The following ADGB variants were observed in gnomAD, a reference collection of about 807,000 sequenced individuals.
ADGB encodes the protein calpain-7-like protein.
ADGB carries 172 observed loss-of-function variants against 210.5 expected under a neutral mutation model. That is an observed-to-expected ratio of 0.82 (90% CI 0.72 to 0.93). The LOEUF (loss-of-function observed/expected upper bound fraction) is 0.93, where lower values mean the gene tolerates loss of function less well. Ranked by LOEUF, ADGB falls within the 40% of genes least tolerant of loss-of-function variation. ADGB has a pLI of 0.00. For missense variants in ADGB, 2,025 were observed against 1,964.8 expected (o/e 1.03, Z -0.58); for synonymous variants, 658 against 662.7 (o/e 0.99, Z 0.11).
At chr6:146,628,448 TTATCTC>T (rs891720827) in intron 1 of ADGB, among the ~76,000 whole-genome samples, 7 of 152,066 alleles carry the variant, frequency 4.6e-5, no homozygotes, top group African/African-American at 9.7e-5. Flanking sequence ...AATAAAATGT[TTATCTC>T]TATATAATGA....
At chr6:146,756,380 G>A (rs1038331822) in intron 27 of ADGB, among the ~76,000 whole-genome samples, 3 of 152,050 alleles carry the variant, frequency 2.0e-5, no homozygotes, top group African/African-American at 4.8e-5. Context: ...GATCACTAAC[G>A]TCGGGTAAGA....
rs1227118245 is a variant in ADGB at position 146,691,181 on chromosome 6, G to T, written c.1377G>T (p.Val459=). The change falls in exon 11 of 36, where the codon GTG becomes GTT. Residue 459 remains valine (V), a synonymous_variant. Coordinates refer to ENST00000397944, the MANE Select transcript of ADGB (RefSeq NM_024694.4). ...ACATCTGTAGCCATCCTGTGCTGGT[G>T]ACTAGAAGTAGGTCTTGTCCTCTGG... ...LSHICSHPVL[V]TRSRSCPLVA... is the part of the protein sequence containing the mutation. The T allele has an allele frequency of 6.5e-7, 1 of 1,549,632 alleles. No individual in the cohort carries two copies. Among genetic ancestry groups the T allele is most frequent in the African/African-American group, 1.4e-5 (1 of 72,642 alleles).
At chr6:146,608,206 C>G (rs1244271491) in intron 1 of ADGB, among the ~76,000 whole-genome samples, 1 of 151,718 alleles carries the variant, frequency 6.6e-6, no homozygotes, top group Non-Finnish European at 1.5e-5. Flanking sequence ...GTAATAGTCT[C>G]TGAGGTTTTG....
chr6:146,624,376 G>A (rs1424874072), intron 1 of ADGB, among the ~76,000 whole-genome samples: 2 of 151,764 alleles, frequency 1.3e-5, no homozygotes, highest in African/African-American at 4.8e-5. Flanking sequence ...AGAATGACTT[G>A]TAATTTTTTT....
intron 35 of ADGB, among the ~76,000 whole-genome samples, chr6:146,812,467 T>C (rs1562308634): frequency 6.6e-6 from 1 of 152,214 alleles, no homozygotes; most frequent in Admixed American, 6.5e-5. Context: ...GGAAGGCATG[T>C]AGGAAAAGGC....
At chr6:146,810,062 A>G (rs1778282542) in intron 35 of ADGB, among the ~76,000 whole-genome samples, 1 of 152,212 alleles carries the variant, frequency 6.6e-6, no homozygotes, top group African/African-American at 2.4e-5. Flanking sequence ...ATATCTGGCA[A>G]GGGGCTAATA....
chr6:146,600,175 C>G (rs1282533938), intron 1 of ADGB, among the ~76,000 whole-genome samples: 1 of 151,850 alleles, frequency 6.6e-6, no homozygotes, highest in African/African-American at 2.4e-5. Flanking sequence ...ATAATCCATT[C>G]CTTTTACTAG....
intron 27 of ADGB, among the ~76,000 whole-genome samples, chr6:146,762,917 G>T (rs1172027563): frequency 6.6e-6 from 1 of 152,152 alleles, no homozygotes; most frequent in Non-Finnish European, 1.5e-5. Context: ...GCCTGGTATT[G>T]TTGAGTGTTT....
intron 12 of ADGB, among the ~76,000 whole-genome samples, chr6:146,697,004 C>T (rs576858892): frequency 3.3e-5 from 5 of 151,918 alleles, no homozygotes; most frequent in Non-Finnish European, 7.4e-5. Flanking sequence ...AATTAAATTA[C>T]AAGATTAAAT....
intron 9 of ADGB, among the ~76,000 whole-genome samples, chr6:146,679,570 A>G (rs1293501238): frequency 2.6e-5 from 4 of 152,198 alleles, no homozygotes; most frequent in Non-Finnish European, 5.9e-5. Context: ...TTCCTGGCAT[A>G]AAGGGGAAGT....
chr6:146,701,783 A>G (rs576996422), intron 13 of ADGB, among the ~76,000 whole-genome samples: 11 of 152,122 alleles, frequency 7.2e-5, no homozygotes, highest in African/African-American at 2.4e-4. Flanking sequence ...TTGGTGGTTG[A>G]ATGACTACTA....
intron 27 of ADGB, among the ~76,000 whole-genome samples, chr6:146,756,392 T>G (rs1777406765): frequency 6.6e-6 from 1 of 152,090 alleles, no homozygotes; most frequent in African/African-American, 2.4e-5. Context: ...CGGGTAAGAA[T>G]CCCATTTCCA....
intron 5 of ADGB, among the ~76,000 whole-genome samples, chr6:146,662,648 T>C (rs1775878448): frequency 6.6e-6 from 1 of 152,016 alleles, no homozygotes; most frequent in African/African-American, 2.4e-5. Context: ...CCCATTGAAA[T>C]TGAGACTTTT....
Position 146,721,549 on chromosome 6 carries a change from T to C in ADGB, c.2095+44T>C, listed in dbSNP as rs558879448. On this transcript the variant is annotated intron_variant, in intron 17 of 35. Transcript: ENST00000397944. Reference sequence around the variant, plus strand: ...AATGATAGCCTTAAAGCCTAGATCATGTTCAGGCTAGGGCGTGGTGGCTCA... The same window carrying C: ...AATGATAGCCTTAAAGCCTAGATCACGTTCAGGCTAGGGCGTGGTGGCTCA... 7.2e-5 allele frequency: 102 copies of C among 1,423,704 alleles called. 1 individual carries two copies. Among genetic ancestry groups the C allele is most frequent in the Middle Eastern group, 1.7e-4 (1 of 5,744 alleles). 88.2% of individuals were successfully genotyped at this position (1,423,704 alleles called of 1,614,324 possible).
At chr6:146,630,169 G>A (rs554171250) in intron 1 of ADGB, among the ~76,000 whole-genome samples, 31 of 152,124 alleles carry the variant, frequency 2.0e-4, no homozygotes, top group Admixed American at 1.6e-3. Flanking sequence ...CCCGGGAGGC[G>A]GAGGTTGCAG....
intron 13 of ADGB, among the ~76,000 whole-genome samples, chr6:146,707,210 A>T (rs984970554): frequency 6.6e-5 from 10 of 152,094 alleles, no homozygotes; most frequent in Non-Finnish European, 1.2e-4. Context: ...TAGTTATATG[A>T]TTTCAATCTT....
At chr6:146,779,896 G>A (rs1276365846) in intron 29 of ADGB, among the ~76,000 whole-genome samples, 2 of 148,532 alleles carry the variant, frequency 1.3e-5, no homozygotes, top group African/African-American at 4.9e-5. Context: ...GTAACTTGAA[G>A]CTACATAAAG....
rs768281687 is a variant in ADGB at position 146,651,544 on chromosome 6, C to T, written c.331-2591C>T. Among the ~76,000 whole-genome samples, 14 of 152,248 alleles carry T rather than the reference C, an allele frequency of 9.2e-5. 1 individual carries two copies. Among genetic ancestry groups the T allele is most frequent in the Admixed American group, 3.3e-4 (5 of 15,292 alleles). On this transcript the variant is annotated intron_variant, in intron 3 of 35. Coordinates refer to ENST00000397944, the MANE Select transcript of ADGB (RefSeq NM_024694.4). ...AAACTTGGTAGGCGAAACATGTACC[C>T]GCGGTCCAGGAGGATGCAGGTCTGC...
intron 27 of ADGB, 134 bp downstream of exon 27, chr6:146,752,848 C>A (rs1777343787): frequency 1.3e-6 from 1 of 744,066 alleles, no homozygotes; most frequent in Non-Finnish European, 1.9e-6. Flanking sequence ...TAAAATATTA[C>A]AAGTATAGCA....
Sources: gnomAD v4.1 joint callset for allele counts (sites outside exome capture counted in the v4.1 genomes callset) on GRCh38, gnomAD v4.1.1 for gene constraint, MANE v1.5 for transcripts, NCBI Gene and HGNC (gene_info 2026-07-23, HGNC 2026-07-21) for gene names.